Variants in MYOZ2 observed in about 807,000 individuals in gnomAD.
MYOZ2 encodes myozenin 2.
A neutral mutation model predicts 25.4 loss-of-function variants in MYOZ2; 19 were observed. The observed-to-expected ratio is 0.75, with a 90% CI of 0.52 to 1.10. MYOZ2 has a LOEUF of 1.10. Among genes scored for constraint, MYOZ2 ranks in the 50% least tolerant of loss-of-function variants. MYOZ2 has a pLI of 0.00. For missense variants in MYOZ2, 270 were observed against 317.9 expected (o/e 0.85, Z 1.15); for synonymous variants, 92 against 106.9 (o/e 0.86, Z 0.86).
chr4:119,173,447 C>T (rs1352617415), intron 5 of MYOZ2, among the ~76,000 whole-genome samples: 3 of 152,184 alleles, frequency 2.0e-5, no homozygotes, highest in South Asian at 4.1e-4. Flanking sequence ...AGTAGTCTCT[C>T]GCTTTGAAAA....
At chr4:119,141,668 C>CA (rs1369815040) in intron 2 of MYOZ2, among the ~76,000 whole-genome samples, 1 of 152,180 alleles carries the variant, frequency 6.6e-6, no homozygotes, top group African/African-American at 2.4e-5. Flanking sequence ...AGGCATGAAC[C>CA]ACCATGCCCG....
At position 119,158,036 on chromosome 4, in the gene MYOZ2, G is replaced by A; in HGVS notation, c.261G>A (p.Met87Ile). The A allele has an allele frequency of 6.2e-7, 1 of 1,613,984 alleles. No individual in the cohort carries two copies. Among genetic ancestry groups the A allele is most frequent in the Non-Finnish European group, 8.5e-7 (1 of 1,179,944 alleles). Reference protein sequence around the residue: ...SRAQINHSIAMQNGKVDGSNL... With the variant: ...SRAQINHSIAIQNGKVDGSNL... ...ATTAAATACAGCACAGTATTGCTAT[G>A]CAGAATGGGAAAGTGGATGGAAGTA... The change falls in exon 4 of 6, where the codon ATG (methionine) becomes ATA (isoleucine). Residue 87 changes from methionine (M) to isoleucine (I), a missense_variant. Coordinates refer to ENST00000307128, the MANE Select transcript of MYOZ2 (RefSeq NM_016599.5).
chr4:119,156,772 G>T (rs954867821), intron 3 of MYOZ2, among the ~76,000 whole-genome samples: 3 of 152,046 alleles, frequency 2.0e-5, no homozygotes, highest in African/African-American at 2.4e-5. Flanking sequence ...CCAAATGTGG[G>T]CTTTGATGAA....
At chr4:119,170,414 G>C (rs144076280) in intron 5 of MYOZ2, among the ~76,000 whole-genome samples, 13 of 152,116 alleles carry the variant, frequency 8.5e-5, no homozygotes, top group Non-Finnish European at 1.8e-4. Flanking sequence ...TATTGTGATT[G>C]GGCAGGGACC....
intron 5 of MYOZ2, 117 bp from the exon 6 acceptor site, chr4:119,185,849 A>C: frequency 1.2e-6 from 1 of 829,880 alleles, no homozygotes. Flanking sequence ...AAGTAAGCCC[A>C]TAAAATAATG....
intron 5 of MYOZ2, among the ~76,000 whole-genome samples, chr4:119,181,139 T>C (rs1310484977): frequency 6.6e-6 from 1 of 152,234 alleles, no homozygotes; most frequent in Non-Finnish European, 1.5e-5. Context: ...TATTCATTCC[T>C]TTTATACATT....
chr4:119,163,273 CT>C (rs1741748685), intron 4 of MYOZ2, among the ~76,000 whole-genome samples: 1 of 151,878 alleles, frequency 6.6e-6, no homozygotes, highest in African/African-American at 2.4e-5. Context: ...GATAGGCATG[CT>C]TTGACAGAAG....
At chr4:119,143,928 T>G (rs902344622) in intron 2 of MYOZ2, among the ~76,000 whole-genome samples, 1 of 152,204 alleles carries the variant, frequency 6.6e-6, no homozygotes, top group Non-Finnish European at 1.5e-5. Flanking sequence ...ATAATCATAG[T>G]TTCACCTGCA....
chr4:119,182,458 A>C (rs1742201649), intron 5 of MYOZ2, among the ~76,000 whole-genome samples: 1 of 151,830 alleles, frequency 6.6e-6, no homozygotes, highest in South Asian at 2.1e-4. Flanking sequence ...GTTGCATGAC[A>C]CTGTAATACA....
chr4:119,165,488 G>A (rs1029118257), intron 5 of MYOZ2, among the ~76,000 whole-genome samples: 2 of 151,660 alleles, frequency 1.3e-5, no homozygotes, highest in Non-Finnish European at 2.9e-5. Flanking sequence ...TCTAGCCTGG[G>A]CAAATAGTGA....
At chr4:119,167,059 A>G (rs534671751) in intron 5 of MYOZ2, among the ~76,000 whole-genome samples, 1 of 152,312 alleles carries the variant, frequency 6.6e-6, no homozygotes, top group African/African-American at 2.4e-5. Flanking sequence ...CAAGTCTCTC[A>G]TTTTAAATCA....
chr4:119,154,458 A>G (rs148647552), intron 3 of MYOZ2, among the ~76,000 whole-genome samples: 91 of 152,244 alleles, frequency 6.0e-4, no homozygotes, highest in African/African-American at 2.1e-3. Context: ...TTATTTTCTT[A>G]ACGATGATGT....
At chr4:119,142,918 C>T (rs1489092819) in intron 2 of MYOZ2, among the ~76,000 whole-genome samples, 2 of 152,120 alleles carry the variant, frequency 1.3e-5, no homozygotes, top group Non-Finnish European at 2.9e-5. Context: ...CCATTTTGTG[C>T]TGCTATAACA....
chr4:119,164,926 G>A (rs1301954762), intron 5 of MYOZ2, among the ~76,000 whole-genome samples: 1 of 151,770 alleles, frequency 6.6e-6, no homozygotes, highest in Admixed American at 6.6e-5. Context: ...AATGATATCT[G>A]TAGTATAGTT....
At chr4:119,137,479 C>T (rs768634209) in intron 2 of MYOZ2, among the ~76,000 whole-genome samples, 1 of 152,088 alleles carries the variant, frequency 6.6e-6, no homozygotes, top group Non-Finnish European at 1.5e-5. Context: ...ACAAGGAATG[C>T]AGCCTTTCAC....
chr4:119,166,629 T>G (rs1741831703), intron 5 of MYOZ2, among the ~76,000 whole-genome samples: 1 of 152,186 alleles, frequency 6.6e-6, no homozygotes, highest in Non-Finnish European at 1.5e-5. Flanking sequence ...TACCTCGTTT[T>G]ATTGCACTTC....
chr4:119,136,290 T>C (rs1427985740), intron 1 of MYOZ2, among the ~76,000 whole-genome samples: 2 of 152,190 alleles, frequency 1.3e-5, no homozygotes, highest in African/African-American at 4.8e-5. Context: ...CTGATGATCA[T>C]TGTATTAATG....
intron 3 of MYOZ2, among the ~76,000 whole-genome samples, chr4:119,154,856 T>TACACACAC (rs199500749): frequency 3.2e-5 from 1 of 31,584 alleles, no homozygotes; most frequent in African/African-American, 5.7e-5. Context: ...AATGTTATAT[T>TACACACAC]ACACACACAC....
At chr4:119,153,650 T>G (rs1401824289) in intron 3 of MYOZ2, among the ~76,000 whole-genome samples, 1 of 152,146 alleles carries the variant, frequency 6.6e-6, no homozygotes, top group Non-Finnish European at 1.5e-5. Flanking sequence ...TAGTATAATG[T>G]TGAAGACCTC....
Sources: allele counts gnomAD v4.1 joint callset (sites outside exome capture counted in the v4.1 genomes callset), GRCh38; gene constraint gnomAD v4.1.1; transcripts MANE v1.5; gene names NCBI Gene and HGNC (gene_info 2026-07-23, HGNC 2026-07-21).